The following PCDHGA10 variants were observed in gnomAD, a reference collection of about 807,000 sequenced individuals.
The protein encoded by PCDHGA10 is protocadherin gamma-A10.
Under a neutral mutation model 59.5 loss-of-function variants are expected in PCDHGA10, and 42 were observed. That is an observed-to-expected ratio of 0.71 (90% CI 0.55 to 0.91). The LOEUF is 0.91. PCDHGA10 is among the 40% of genes least tolerant of loss of function. PCDHGA10 has a pLI of 0.00. For missense variants in PCDHGA10, 1,111 were observed against 1,198.2 expected (o/e 0.93, Z 1.07); for synonymous variants, 511 against 517.2 (o/e 0.99, Z 0.16).
intron 1 of PCDHGA10, chr5:141,423,311 T>G: frequency 2.5e-6 from 4 of 1,614,134 alleles, no homozygotes; most frequent in Non-Finnish European, 3.4e-6. Flanking sequence ...CTGTACTTGG[T>G]GGTGGCGGTG....
chr5:141,445,621 G>A (rs1216813961), intron 1 of PCDHGA10, among the ~76,000 whole-genome samples: 4 of 151,996 alleles, frequency 2.6e-5, no homozygotes, highest in African/African-American at 7.2e-5. Flanking sequence ...TCTTTTTTTC[G>A]GAAAGTGATA....
chr5:141,423,782 C>A (rs1458189260), intron 1 of PCDHGA10: 2 of 1,243,328 alleles, frequency 1.6e-6, no homozygotes, highest in Non-Finnish European at 1.0e-6. Context: ...ATATTTAGTT[C>A]ATATATATTT....
intron 1 of PCDHGA10, chr5:141,427,811 C>T (rs1335555425): frequency 6.6e-7 from 1 of 1,523,180 alleles, no homozygotes; most frequent in Admixed American, 1.7e-5. Flanking sequence ...GCGCACAGAG[C>T]GGGGTGGTGG....
chr5:141,467,681 A>G (rs2099148744), intron 1 of PCDHGA10, among the ~76,000 whole-genome samples: 1 of 152,076 alleles, frequency 6.6e-6, no homozygotes, highest in African/African-American at 2.4e-5. Flanking sequence ...TATTTTTTTT[A>G]GACAGGGTCT....
Position 141,413,102 on chromosome 5 carries a change from G to A in PCDHGA10, c.-74G>A. ...GCTACAGAGACACCCTGAAGCCACA[G>A]AAAGACAAAGGAACCGGTTGAAACA... On this transcript the variant is annotated 5_prime_UTR_variant, in exon 1 of 4. Transcript: ENST00000398610. The A allele has an allele frequency of 6.8e-7, 1 of 1,480,778 alleles. No individual in the cohort carries two copies. The highest frequency in any genetic ancestry group is 9.1e-7 in the Non-Finnish European group (1 of 1,102,612). 91.7% of individuals were successfully genotyped at this position (1,480,778 alleles called of 1,614,324 possible). A position where few individuals can be genotyped will look rare whatever the true frequency, so the allele number is the denominator to read the frequency against.
intron 1 of PCDHGA10, among the ~76,000 whole-genome samples, chr5:141,446,394 A>C (rs796472404): frequency 1.1e-4 from 17 of 152,344 alleles, no homozygotes; most frequent in African/African-American, 3.4e-4. Context: ...ATTTAAGAGA[A>C]ATCGAGTTGA....
rs200464357 is a variant in PCDHGA10 at position 141,489,983 on chromosome 5, G to A, written c.2437-4824G>A. 4.5e-5 allele frequency: 73 copies of A among 1,614,172 alleles called. No homozygotes were observed. Among genetic ancestry groups the A allele is most frequent in the Middle Eastern group, 3.3e-4 (2 of 6,062 alleles). ...CCAACCTTCCAATCCTCAGTTCTAC[G>A]TGTGGGAATCCCAGAGAATGCACCC... On this transcript the variant is annotated intron_variant, in intron 1 of 3. Coordinates refer to ENST00000398610, the MANE Select transcript of PCDHGA10 (RefSeq NM_018913.3). This position sits in a 1 kb window ranked among gnomAD's most constrained non-coding sequence, Gnocchi z 4.5.
At chr5:141,445,134 A>T (rs900226020) in intron 1 of PCDHGA10, among the ~76,000 whole-genome samples, 1 of 152,198 alleles carries the variant, frequency 6.6e-6, no homozygotes, top group East Asian at 1.9e-4. Context: ...TTAAAATTGT[A>T]TCTTCTAATT....
intron 1 of PCDHGA10, chr5:141,423,389 A>G (rs568843632): frequency 2.5e-6 from 4 of 1,614,160 alleles, no homozygotes; most frequent in Admixed American, 1.7e-5. Flanking sequence ...TGGCGCTGGC[A>G]TAAGTCACGC....
At chr5:141,505,308 G>A in intron 2 of PCDHGA10, 85 bp from the exon 3 acceptor site, 1 of 1,598,660 alleles carries the variant, frequency 6.3e-7, no homozygotes, top group Non-Finnish European at 8.5e-7. Flanking sequence ...TAGGGTACTA[G>A]GTTTGGGAGC....
At chr5:141,446,447 A>G (rs2098502204) in intron 1 of PCDHGA10, among the ~76,000 whole-genome samples, 1 of 151,946 alleles carries the variant, frequency 6.6e-6, no homozygotes, top group Non-Finnish European at 1.5e-5. Context: ...AACAGTGCAG[A>G]TATTCAGTGT....
intron 1 of PCDHGA10, among the ~76,000 whole-genome samples, chr5:141,459,757 G>T (rs1360124889): frequency 6.6e-6 from 1 of 152,162 alleles, no homozygotes; most frequent in Admixed American, 6.6e-5. Flanking sequence ...ATTCTAGTGG[G>T]TGTGTGATAC....
chr5:141,460,995 A>ATG lies in PCDHGA10; in HGVS notation c.2437-33808_2437-33807dup, dbSNP rs1561986931. Among the ~76,000 whole-genome samples the ATG allele has an allele frequency of 5.3e-5, 8 of 150,188 alleles. No homozygotes were observed. The East Asian group carries it at 1.4e-3, about 26-fold the overall frequency. On this transcript the variant is annotated intron_variant, in intron 1 of 3. Transcript: ENST00000398610. ...TGTGTGTGTGTGTGTATATATATAT[A>ATG]TGTGTATATATATATACCACATTTT...
At chr5:141,484,501 A>G (rs1185523120) in intron 1 of PCDHGA10, among the ~76,000 whole-genome samples, 2 of 152,232 alleles carry the variant, frequency 1.3e-5, no homozygotes, top group African/African-American at 4.8e-5. Flanking sequence ...GTTTCTGAAT[A>G]TTCTGCAGAA....
intron 1 of PCDHGA10, among the ~76,000 whole-genome samples, chr5:141,465,407 A>G (rs1019401245): frequency 6.6e-6 from 1 of 152,218 alleles, no homozygotes; most frequent in African/African-American, 2.4e-5. Flanking sequence ...AGAAGAAGCC[A>G]AATCAGCACT....
In PCDHGA10 at chr5:141,505,363, T is replaced by C. The variant is rs751635403; in HGVS notation, c.2496-30T>C. 1.6e-5 allele frequency: 26 copies of C among 1,613,242 alleles called. No individual in the cohort carries two copies. In the Middle Eastern group the frequency reaches 9.9e-4, roughly 61 times the overall value. On this transcript the variant is annotated intron_variant, in intron 2 of 3. Transcript: ENST00000398610. ...GGCATGAGCTGTGCCGGCCTGGGAG[T>C]CTGTGCTCACCATCCTACTCTCTCC... is the stretch of plus-strand genomic sequence containing the variant.
Position 141,487,193 on chromosome 5 carries a change from C to T in PCDHGA10, c.2437-7614C>T. 6.2e-7 allele frequency: 1 copy of T among 1,613,784 alleles called. No individual in the cohort carries two copies. Among genetic ancestry groups the T allele is most frequent in the Non-Finnish European group, 8.5e-7 (1 of 1,179,724 alleles). On this transcript the variant is annotated intron_variant, in intron 1 of 3. Transcript: ENST00000398610. The surrounding 1 kb of genome is among the most constrained non-coding windows in gnomAD (Gnocchi z 5.0). ...AGAGGAAGACACTCATCCAGTTGTC[C>T]CAGATCTTCGAGAATCTTCAGCTCC...
chr5:141,448,928 G>C (rs2098617520), intron 1 of PCDHGA10, among the ~76,000 whole-genome samples: 1 of 152,166 alleles, frequency 6.6e-6, no homozygotes, highest in Non-Finnish European at 1.5e-5. Context: ...CTGGGCGACA[G>C]AGCAAGACTG....
intron 1 of PCDHGA10, among the ~76,000 whole-genome samples, chr5:141,455,570 A>T (rs181469693): frequency 2.6e-5 from 4 of 152,222 alleles, no homozygotes; most frequent in Non-Finnish European, 5.9e-5. Context: ...TGGCCCTCCC[A>T]CCCCAGCCTT....
Sources: gnomAD v4.1 joint callset for allele counts (sites outside exome capture counted in the v4.1 genomes callset) on GRCh38, gnomAD v4.1.1 for gene constraint, Gnocchi (gnomAD v3.1) non-coding constraint, MANE v1.5 for transcripts, NCBI Gene and HGNC (gene_info 2026-07-23, HGNC 2026-07-21) for gene names.